The following SNTG1 variants were observed in gnomAD, a reference collection of about 807,000 sequenced individuals.
SNTG1 encodes syntrophin gamma 1, also known as gamma-1-syntrophin.
SNTG1 carries 39 observed loss-of-function variants against 74.7 expected under a neutral mutation model. The observed-to-expected ratio is 0.52, with a 90% confidence interval of 0.40 to 0.68. SNTG1 has a LOEUF of 0.68. Among genes scored for constraint, SNTG1 ranks in the 30% least tolerant of loss-of-function variants. The pLI, the probability that SNTG1 is intolerant of heterozygous loss-of-function variation, is 0.00. For synonymous variants in SNTG1, 254 were observed against 217.1 expected (o/e 1.17, Z -1.49); for missense variants, 685 against 609.5 (o/e 1.12, Z -1.30).
At chr8:50,106,749 T>C (rs1394899110) in intron 1 of SNTG1, among the ~76,000 whole-genome samples, 1 of 152,196 alleles carries the variant, frequency 6.6e-6, no homozygotes, top group African/African-American at 2.4e-5. Context: ...CAAACTTTTC[T>C]GATTGACTTA....
rs537205001 is a variant in SNTG1, at chr8:50,148,647, G to A, written c.-102-23914G>A. Among the ~76,000 whole-genome samples the A allele has an allele frequency of 2.6e-3, 400 of 152,206 alleles. 3 individuals carry two copies. Among genetic ancestry groups the A allele is most frequent in the African/African-American group, 9.0e-3 (374 of 41,530 alleles). The stretch of plus-strand genomic sequence containing the variant: ...TTCCCACCTATGAGTGAGAACATGC[G>A]GTGTTTGGTTTTTTGTTCTTGTGAT... On this transcript the variant is annotated intron_variant, in intron 1 of 18. Coordinates refer to ENST00000642720, the MANE Select transcript of SNTG1 (RefSeq NM_018967.5).
intron 13 of SNTG1, among the ~76,000 whole-genome samples, chr8:50,650,428 C>A (rs2095137866): frequency 6.6e-6 from 1 of 152,072 alleles, no homozygotes; most frequent in African/African-American, 2.4e-5. Flanking sequence ...ATTGTTCACT[C>A]ATTCATGTAA....
At chr8:50,686,032 G>A (rs1417893409) in intron 15 of SNTG1, among the ~76,000 whole-genome samples, 1 of 152,062 alleles carries the variant, frequency 6.6e-6, no homozygotes, top group African/African-American at 2.4e-5. Flanking sequence ...TAGTTTTGTA[G>A]TAGTAGTCTA....
intron 9 of SNTG1, among the ~76,000 whole-genome samples, chr8:50,526,876 C>T (rs2094224641): frequency 6.6e-6 from 1 of 151,992 alleles, no homozygotes; most frequent in South Asian, 2.1e-4. Flanking sequence ...CCCGCCTCAT[C>T]CACCAAAAGT....
At chr8:50,026,319 C>A (rs1228564228) in intron 1 of SNTG1, among the ~76,000 whole-genome samples, 1 of 152,090 alleles carries the variant, frequency 6.6e-6, no homozygotes, top group Non-Finnish European at 1.5e-5. Context: ...TCTGAAAAAT[C>A]TTTGCTTTTT....
At chr8:50,563,306 C>T (rs1409005113) in intron 12 of SNTG1, among the ~76,000 whole-genome samples, 3 of 152,130 alleles carry the variant, frequency 2.0e-5, no homozygotes, top group Admixed American at 6.6e-5. Flanking sequence ...TTGAAGGAAA[C>T]ATTGCTGAGA....
chr8:50,011,697 A>G (rs1016783050), intron 1 of SNTG1: 1 of 151,810 alleles, frequency 6.6e-6, no homozygotes, highest in Non-Finnish European at 1.5e-5. Flanking sequence ...AATTATTTCA[A>G]TTTTATTCAA....
intron 13 of SNTG1, among the ~76,000 whole-genome samples, chr8:50,608,496 A>G (rs1317467982): frequency 6.6e-6 from 1 of 151,752 alleles, no homozygotes; most frequent in Admixed American, 6.6e-5. Context: ...TCTATTTTCT[A>G]TGATGTCAAT....
chr8:50,545,527 T>C (rs1046227666), intron 11 of SNTG1, among the ~76,000 whole-genome samples: 32 of 149,816 alleles, frequency 2.1e-4, no homozygotes, highest in Non-Finnish European at 3.9e-4. Flanking sequence ...AGAAGTATAA[T>C]TTTGAGGAGT....
intron 16 of SNTG1, 65 bp downstream of exon 16, chr8:50,704,817 CTAA>C: frequency 6.4e-7 from 1 of 1,551,012 alleles, no homozygotes; most frequent in East Asian, 2.3e-5. Flanking sequence ...CCCTAGAGTT[CTAA>C]TATCATTCCA....
At chr8:49,912,775 A>C (rs1805693106) in intron 1 of SNTG1, among the ~76,000 whole-genome samples, 1 of 152,084 alleles carries the variant, frequency 6.6e-6, no homozygotes, top group Non-Finnish European at 1.5e-5. Flanking sequence ...AGACACTCAT[A>C]TTTTTACTTA....
chr8:50,194,410 T>A (rs1337167105), intron 2 of SNTG1, among the ~76,000 whole-genome samples: 3 of 152,122 alleles, frequency 2.0e-5, no homozygotes, highest in Non-Finnish European at 1.5e-5. Flanking sequence ...GTTGTATTTT[T>A]CCAGGAATTA....
At chr8:50,410,577 A>G (rs948882050) in intron 4 of SNTG1, among the ~76,000 whole-genome samples, 12 of 152,196 alleles carry the variant, frequency 7.9e-5, no homozygotes, top group Non-Finnish European at 1.5e-4. Flanking sequence ...GTAATGTAAC[A>G]CATCTATCAC....
intron 4 of SNTG1, among the ~76,000 whole-genome samples, chr8:50,423,013 T>C (rs1011782188): frequency 1.3e-5 from 2 of 152,100 alleles, no homozygotes; most frequent in Non-Finnish European, 2.9e-5. Context: ...TTTGGGGGGG[T>C]TAGCTCAGAT....
chr8:49,950,405 C>G (rs1255822629), intron 1 of SNTG1, among the ~76,000 whole-genome samples: 1 of 152,016 alleles, frequency 6.6e-6, no homozygotes, highest in Admixed American at 6.6e-5. Context: ...ATATGCTATT[C>G]CTCTAGTAGT....
At chr8:50,609,450 T>G (rs530729365) in intron 13 of SNTG1, among the ~76,000 whole-genome samples, 3 of 152,274 alleles carry the variant, frequency 2.0e-5, no homozygotes, top group African/African-American at 7.2e-5. Flanking sequence ...AATGTTTTTT[T>G]GCTTTCAGTA....
At chr8:50,547,260 G>T (rs908213503) in intron 11 of SNTG1, among the ~76,000 whole-genome samples, 4 of 152,170 alleles carry the variant, frequency 2.6e-5, no homozygotes, top group African/African-American at 9.7e-5. Flanking sequence ...CACAAGGACT[G>T]GTCTCTGTGT....
intron 13 of SNTG1, among the ~76,000 whole-genome samples, chr8:50,596,981 C>A (rs1161352436): frequency 6.6e-6 from 1 of 151,862 alleles, no homozygotes; most frequent in Non-Finnish European, 1.5e-5. Context: ...GCTGTAGTTA[C>A]CCTACTGTGT....
intron 1 of SNTG1, among the ~76,000 whole-genome samples, chr8:50,084,556 G>A (rs1441093698): frequency 6.6e-6 from 1 of 152,174 alleles, no homozygotes; most frequent in Non-Finnish European, 1.5e-5. Context: ...GTCATTTGCA[G>A]GTCCTTGGTT....
Sources: gnomAD v4.1 joint callset for allele counts (sites outside exome capture counted in the v4.1 genomes callset) on GRCh38, gnomAD v4.1.1 for gene constraint, MANE v1.5 for transcripts, NCBI Gene and HGNC (gene_info 2026-07-23, HGNC 2026-07-21) for gene names.